Variants in AR observed in about 807,000 individuals in gnomAD.
AR encodes the protein androgen receptor.
In AR, 8 loss-of-function variants were observed where a neutral mutation model predicts 53.9. The observed-to-expected ratio is 0.15, with a 90% confidence interval of 0.09 to 0.27. AR has a LOEUF of 0.27. Among genes scored for constraint, AR ranks in the 10% least tolerant of loss-of-function variants. The probability of loss-of-function intolerance (pLI) is 1.00; values close to 1 mark genes in which losing one functional copy is unlikely to be tolerated. For synonymous variants in AR, 359 were observed against 316.4 expected (o/e 1.13, Z -1.43); for missense variants, 639 against 742.5 (o/e 0.86, Z 1.62).
chrX:67,664,372 G>T (rs1352005762), intron 2 of AR, among the ~76,000 whole-genome samples: 2 of 112,145 alleles, frequency 1.8e-5, no homozygotes, highest in Non-Finnish European at 3.8e-5. Context: ...GGAGTTTGCT[G>T]CAGGTCCACT....
At chrX:67,623,578 C>A (rs1924477151) in intron 1 of AR, among the ~76,000 whole-genome samples, 1 of 110,651 alleles carries the variant, frequency 9.0e-6, no homozygotes, top group Admixed American at 9.7e-5. Flanking sequence ...TAACCTTCCA[C>A]CTTAGACTAG....
chrX:67,636,013 A>G (rs1363428094), intron 1 of AR, among the ~76,000 whole-genome samples: 1 of 111,609 alleles, frequency 9.0e-6, no homozygotes, highest in Admixed American at 9.6e-5. Context: ...ATCAAAGAAT[A>G]CATGTAATAT....
intron 1 of AR, among the ~76,000 whole-genome samples, chrX:67,607,305 G>T (rs1421087326): frequency 9.0e-6 from 1 of 111,488 alleles, no homozygotes; most frequent in Non-Finnish European, 1.9e-5. Context: ...TGAGATTACG[G>T]GCATGAGCCA....
In AR at chrX:67,726,705, G is replaced by T; in HGVS notation, c.*2864G>T. The T allele has an allele frequency of 5.7e-6, 1 of 175,707 alleles. No individual in the cohort carries two copies. The highest frequency in any genetic ancestry group is 8.1e-5 in the East Asian group (1 of 12,420). 14.5% of individuals were successfully genotyped at this position (175,707 alleles called of 1,213,427 possible). A position where few individuals can be genotyped will look rare whatever the true frequency, so the allele number is the denominator to read the frequency against. ...GAGTGAACAAAGGAGATTTTAGCTTGGCTCTGTTCTCCCATGGATGAAAGG... is the reference window on the plus strand; with the variant it reads ...GAGTGAACAAAGGAGATTTTAGCTTTGCTCTGTTCTCCCATGGATGAAAGG... On this transcript the variant is annotated 3_prime_UTR_variant, in exon 8 of 8. Coordinates refer to ENST00000374690, the MANE Select transcript of AR (RefSeq NM_000044.6).
At chrX:67,704,296 T>G (rs754459629) in intron 3 of AR, among the ~76,000 whole-genome samples, 169 of 111,836 alleles carry the variant, frequency 1.5e-3, no homozygotes, top group African/African-American at 5.4e-3. Flanking sequence ...TCCACATCCT[T>G]TCCAGCACCT....
intron 1 of AR, among the ~76,000 whole-genome samples, chrX:67,590,233 G>A (rs904449789): frequency 9.0e-6 from 1 of 111,353 alleles, no homozygotes; most frequent in African/African-American, 3.3e-5. Flanking sequence ...GGGGATGAAG[G>A]CTTCTTTTTT....
Position 67,545,582 on chromosome X carries a change from C to G in AR, c.436C>G (p.Pro146Ala), listed in dbSNP as rs2147316375. 1 of 1,185,377 alleles carries G rather than the reference C, an allele frequency of 8.4e-7. No homozygotes were observed. The highest frequency in any genetic ancestry group is 1.1e-6 in the Non-Finnish European group (1 of 882,167). ...GAAVAASKGL[P>A]QQLPAPPDED... ...CGCCGTGGCCGCCAGCAAGGGGCTG[C>G]CGCAGCAGCTGCCAGCACCTCCGGA... The change falls in exon 1 of 8, where the codon CCG (proline) becomes GCG (alanine). Residue 146 changes from proline (P) to alanine (A), a missense_variant. By Grantham distance (27) the Pro-to-Ala change is conservative. Transcript: ENST00000374690.
intron 1 of AR, among the ~76,000 whole-genome samples, chrX:67,552,045 A>G (rs904214508): frequency 1.8e-5 from 2 of 112,186 alleles, no homozygotes; most frequent in African/African-American, 6.5e-5. Flanking sequence ...GTAATTTACA[A>G]TCCATACAAT....
At chrX:67,630,416 C>A (rs1320953549) in intron 1 of AR, among the ~76,000 whole-genome samples, 1 of 111,170 alleles carries the variant, frequency 9.0e-6, no homozygotes, top group Non-Finnish European at 1.9e-5. Context: ...CTCTTTTGAT[C>A]TTTGTTGGTT....
At chrX:67,695,021 G>A (rs2076013514) in intron 3 of AR, 2 of 872,166 alleles carry the variant, frequency 2.3e-6, no homozygotes, top group African/African-American at 4.2e-5. Context: ...TTGGCAAAGT[G>A]CTTTTTGATT....
intron 2 of AR, among the ~76,000 whole-genome samples, chrX:67,676,340 G>T: frequency 8.9e-6 from 1 of 112,083 alleles, no homozygotes; most frequent in Non-Finnish European, 1.9e-5. Context: ...GTACCTACCA[G>T]AGCTTCTCAA....
At chrX:67,569,087 G>T in intron 1 of AR, 1 of 1,134,197 alleles carries the variant, frequency 8.8e-7, no homozygotes, top group South Asian at 1.8e-5. Context: ...TGTAAGGTTT[G>T]GACTGTGACC....
intron 1 of AR, among the ~76,000 whole-genome samples, chrX:67,580,874 C>T (rs941234366): frequency 9.0e-6 from 1 of 111,300 alleles, no homozygotes; most frequent in African/African-American, 3.3e-5. Context: ...ATATACATTC[C>T]CAGCACTATC....
chrX:67,563,887 C>T (rs1406167485), intron 1 of AR, among the ~76,000 whole-genome samples: 2 of 111,176 alleles, frequency 1.8e-5, no homozygotes, highest in African/African-American at 6.5e-5. Context: ...GTTTGGGGCC[C>T]CTACATTTAA....
intron 1 of AR, among the ~76,000 whole-genome samples, chrX:67,614,302 G>A (rs1005173957): frequency 9.0e-6 from 1 of 111,718 alleles, no homozygotes; most frequent in African/African-American, 3.2e-5. Flanking sequence ...AAGGAAAAAT[G>A]TGCTCCCTGA....
chrX:67,581,815 C>G (rs1004195809), intron 1 of AR, among the ~76,000 whole-genome samples: 2 of 111,128 alleles, frequency 1.8e-5, no homozygotes, highest in African/African-American at 6.5e-5. Context: ...ATTCTCCTAC[C>G]CTGTACGACA....
intron 1 of AR, among the ~76,000 whole-genome samples, chrX:67,639,013 C>T (rs765976727): frequency 9.0e-6 from 1 of 111,721 alleles, no homozygotes; most frequent in East Asian, 2.8e-4. Context: ...AGGAAGGGGT[C>T]CAGTTTCAGT....
intron 1 of AR, among the ~76,000 whole-genome samples, chrX:67,575,410 G>T: frequency 8.9e-6 from 1 of 111,765 alleles, no homozygotes; most frequent in South Asian, 3.7e-4. Flanking sequence ...AGGTAGCTTA[G>T]CCTTGGCTGT....
chrX:67,681,475 T>C (rs1191325904), intron 2 of AR, among the ~76,000 whole-genome samples: 1 of 112,325 alleles, frequency 8.9e-6, no homozygotes, highest in Non-Finnish European at 1.9e-5. Context: ...CATATTTCCT[T>C]TGGATCCACT....
Sources: allele counts gnomAD v4.1 joint callset (sites outside exome capture counted in the v4.1 genomes callset), GRCh38; gene constraint gnomAD v4.1.1; transcripts MANE v1.5; gene names NCBI Gene and HGNC (gene_info 2026-07-23, HGNC 2026-07-21).